The following EVC2 variants were observed in gnomAD, a reference collection of about 807,000 sequenced individuals.
The protein encoded by EVC2 is EvC ciliary complex subunit 2.
Under a neutral mutation model 149.3 loss-of-function variants are expected in EVC2, and 148 were observed. The observed-to-expected ratio is 0.99, with a 90% CI of 0.87 to 1.14. EVC2 has a LOEUF of 1.14. EVC2 is among the 50% of genes most tolerant of loss of function. The pLI is 0.00. For synonymous variants in EVC2, 776 were observed against 649.9 expected (o/e 1.19, Z -2.95); for missense variants, 1,854 against 1,627.3 (o/e 1.14, Z -2.40).
Position 5,670,998 on chromosome 4 carries a change from G to A in EVC2, c.871-5349C>T, listed in dbSNP as rs374119727. ...TCAACACCATCATGACACCATCAGCGGCAGCAACACCATTACCACTGTCAT... is the reference window on the plus strand; with the variant it reads ...TCAACACCATCATGACACCATCAGCAGCAGCAACACCATTACCACTGTCAT... On this transcript the variant is annotated intron_variant, in intron 7 of 21. Transcript: ENST00000344408. The surrounding 1 kb of genome is among the most constrained non-coding windows in gnomAD (Gnocchi z 5.2). 2.7e-4 allele frequency among the ~76,000 whole-genome samples: 41 copies of A among 152,084 alleles called. No homozygotes were observed. Among genetic ancestry groups the A allele is most frequent in the African/African-American group, 9.2e-4 (38 of 41,486 alleles).
chr4:5,536,641 G>A, the EVC2 span, among the ~76,000 whole-genome samples: 30 of 152,014 alleles, frequency 2.0e-4, 1 homozygote, highest in Non-Finnish European at 3.2e-4. Context: ...AAAATTAGCT[G>A]GGCATGGTGG....
rs763413178 is a variant in EVC2, at chr4:5,625,958, T to A, written c.1887-50A>T. 6.2e-7 allele frequency: 1 copy of A among 1,605,288 alleles called. No homozygotes were observed. The highest frequency in any genetic ancestry group is 1.1e-5 in the South Asian group (1 of 90,890). Reference sequence around the variant, plus strand: ...GGAATGTGGTCTCCAAACTCACCTGTAGCTTAACTGCTATTGTGCCTGAAC... The same window carrying A: ...GGAATGTGGTCTCCAAACTCACCTGAAGCTTAACTGCTATTGTGCCTGAAC... On this transcript the variant is annotated intron_variant, in intron 12 of 21. Coordinates refer to ENST00000344408, the MANE Select transcript of EVC2 (RefSeq NM_147127.5). This position sits in a 1 kb window ranked among gnomAD's most constrained non-coding sequence, Gnocchi z 4.0.
chr4:5,568,380 G>C (rs1722427280), intron 20 of EVC2, 64 bp downstream of exon 20: 2 of 1,477,578 alleles, frequency 1.4e-6, no homozygotes, highest in Admixed American at 4.2e-5. Context: ...ATGACCTTGA[G>C]GACTCATGGG....
intron 16 of EVC2, among the ~76,000 whole-genome samples, chr4:5,610,991 C>T (rs1224732247): frequency 6.6e-6 from 1 of 152,024 alleles, no homozygotes; most frequent in Non-Finnish European, 1.5e-5. Flanking sequence ...GTGATGCTGT[C>T]CCTCATGTGT....
chr4:5,541,085 A>G (rs944934638), downstream of EVC2, among the ~76,000 whole-genome samples: 1 of 152,244 alleles, frequency 6.6e-6, no homozygotes, highest in African/African-American at 2.4e-5. Flanking sequence ...TTCCGACAGC[A>G]GAGTGTTAGG....
At chr4:5,707,156 C>T (rs1327689189) in intron 1 of EVC2, among the ~76,000 whole-genome samples, 1 of 152,126 alleles carries the variant, frequency 6.6e-6, no homozygotes, top group East Asian at 1.9e-4. Flanking sequence ...TTGTCACCTG[C>T]AAAACGGGCC....
intron 21 of EVC2, among the ~76,000 whole-genome samples, chr4:5,554,487 G>T (rs1449006802): frequency 6.6e-6 from 1 of 152,214 alleles, no homozygotes; most frequent in East Asian, 1.9e-4. Flanking sequence ...AGATGATCAT[G>T]ATAGAGAGAT....
chr4:5,634,908 C>T (rs933575660), intron 10 of EVC2, among the ~76,000 whole-genome samples: 33 of 152,112 alleles, frequency 2.2e-4, no homozygotes, highest in African/African-American at 7.5e-4. Flanking sequence ...GCCTCCACCC[C>T]GTCCACCAAA....
chr4:5,672,698 G>T (rs1254065399), intron 7 of EVC2, among the ~76,000 whole-genome samples: 1 of 152,076 alleles, frequency 6.6e-6, no homozygotes, highest in Non-Finnish European at 1.5e-5. Flanking sequence ...TTTAAAACAG[G>T]TATTCGAACA....
At chr4:5,629,618 T>C (rs1489673670) in intron 11 of EVC2, among the ~76,000 whole-genome samples, 1 of 152,254 alleles carries the variant, frequency 6.6e-6, no homozygotes, top group Non-Finnish European at 1.5e-5. Flanking sequence ...TAGGACAGCA[T>C]GGACGTTCCC....
In EVC2 at chr4:5,622,306, T is replaced by A. The variant is rs1715746863; in HGVS notation, c.2501+231A>T. On this transcript the variant is annotated intron_variant, in intron 14 of 21. Coordinates refer to ENST00000344408, the MANE Select transcript of EVC2 (RefSeq NM_147127.5). The surrounding 1 kb of genome is among the most constrained non-coding windows in gnomAD (Gnocchi z 5.8). ...CAGGGGCCACCCATCCTCTTGTTAC[T>A]ACAAACCCTATGGCCCTGGTTCTGC... is the stretch of plus-strand genomic sequence containing the variant. Among the ~76,000 whole-genome samples the A allele has an allele frequency of 6.6e-6, 1 of 152,138 alleles. No individual in the cohort carries two copies. Among genetic ancestry groups the A allele is most frequent in the African/African-American group, 2.4e-5 (1 of 41,436 alleles).
chr4:5,575,612 T>G (rs756968772), intron 18 of EVC2, among the ~76,000 whole-genome samples: 1 of 152,250 alleles, frequency 6.6e-6, no homozygotes, highest in Non-Finnish European at 1.5e-5. Context: ...AACCACGCTG[T>G]GTATAGACTT....
At chr4:5,638,561 C>G (rs1717062315) in intron 10 of EVC2, among the ~76,000 whole-genome samples, 1 of 152,058 alleles carries the variant, frequency 6.6e-6, no homozygotes, top group Admixed American at 6.5e-5. Context: ...CATTACAGGG[C>G]AGTGTCGGTG....
In EVC2 at chr4:5,569,959, C is replaced by G. The variant is rs1722550563; in HGVS notation, c.3361-1319G>C. ...CTCGCCCAGGCCACTGAGCCCTTAC[C>G]CATGAGCTTCCTTCAGCCTAGAGTA... On this transcript the variant is annotated intron_variant, in intron 19 of 21. Transcript: ENST00000344408. The surrounding 1 kb of genome is among the most constrained non-coding windows in gnomAD (Gnocchi z 4.8). Among the ~76,000 whole-genome samples the G allele has an allele frequency of 6.6e-6, 1 of 152,194 alleles. No individual in the cohort carries two copies.
At chr4:5,581,262 G>A (rs145064625) in intron 17 of EVC2, among the ~76,000 whole-genome samples, 67 of 152,278 alleles carry the variant, frequency 4.4e-4, no homozygotes, top group African/African-American at 1.5e-3. Context: ...CTTGGAATTC[G>A]GTAACCAAAG....
At chr4:5,540,969 G>T (rs1024543744), downstream of EVC2, among the ~76,000 whole-genome samples, 17 of 152,108 alleles carry the variant, frequency 1.1e-4, no homozygotes, top group Middle Eastern at 3.2e-3. Context: ...TAGGTTTTAG[G>T]CTCCCTCCCT....
In EVC2 at chr4:5,657,500, G is replaced by A. The variant is rs997583138; in HGVS notation, c.1145+5607C>T. Among the ~76,000 whole-genome samples the A allele has an allele frequency of 6.6e-6, 1 of 152,096 alleles. No individual in the cohort carries two copies. Among genetic ancestry groups the A allele is most frequent in the Non-Finnish European group, 1.5e-5 (1 of 68,028 alleles). The stretch of plus-strand genomic sequence containing the variant: ...CACATCACATCTGGAAACATGTTGT[G>A]TTGTCTTCTGGTTTGAGTAATGCTG... On this transcript the variant is annotated intron_variant, in intron 9 of 21. Transcript: ENST00000344408. This position sits in a 1 kb window ranked among gnomAD's most constrained non-coding sequence, Gnocchi z 4.7.
At chr4:5,573,104 CCT>C (rs1722728155) in intron 19 of EVC2, among the ~76,000 whole-genome samples, 1 of 152,102 alleles carries the variant, frequency 6.6e-6, no homozygotes, top group South Asian at 2.1e-4. Context: ...CCTCCCCTGC[CCT>C]GTTTGGACAC....
intron 1 of EVC2, among the ~76,000 whole-genome samples, chr4:5,702,409 T>C (rs1271422913): frequency 6.6e-6 from 1 of 152,198 alleles, no homozygotes; most frequent in Admixed American, 6.5e-5. Context: ...ATTTCAAGCA[T>C]TTAGGACAGA....
Sources: gnomAD v4.1 joint callset for allele counts (sites outside exome capture counted in the v4.1 genomes callset) on GRCh38, gnomAD v4.1.1 for gene constraint, Gnocchi (gnomAD v3.1) non-coding constraint, MANE v1.5 for transcripts, NCBI Gene and HGNC (gene_info 2026-07-23, HGNC 2026-07-21) for gene names.